KHDRBS2: variants seen among roughly 807,000 people sequenced by gnomAD.
KHDRBS2 encodes the protein KH RNA binding domain containing, signal transduction associated 2, also known as KH domain-containing, RNA-binding, signal transduction-associated protein 2.
Under a neutral mutation model 44.3 loss-of-function variants are expected in KHDRBS2, and 26 were observed. The ratio of observed to expected loss-of-function variants is 0.59; its 90% CI spans 0.43 to 0.81. The LOEUF (loss-of-function observed/expected upper bound fraction) is 0.81, where lower values mean the gene tolerates loss of function less well. Ranked by LOEUF, KHDRBS2 falls within the 40% of genes least tolerant of loss-of-function variation. KHDRBS2 has a pLI of 0.00. For synonymous variants in KHDRBS2, 194 were observed against 151.1 expected (o/e 1.28, Z -2.08); for missense variants, 476 against 433.1 (o/e 1.10, Z -0.88).
At position 61,947,311 on chromosome 6, in the gene KHDRBS2, T is replaced by C. The variant is rs1813577609; in HGVS notation, c.483+30755A>G. Reference sequence around the variant, plus strand: ...ATAATTTGGAAAAGACTGCACAAGATGATCCAATTTCACTGTTAAAGATGC... The same window carrying C: ...ATAATTTGGAAAAGACTGCACAAGACGATCCAATTTCACTGTTAAAGATGC... On this transcript the variant is annotated intron_variant, in intron 4 of 8. Coordinates refer to ENST00000281156, the MANE Select transcript of KHDRBS2 (RefSeq NM_152688.4). Among the ~76,000 whole-genome samples the C allele has an allele frequency of 2.0e-5, 3 of 152,128 alleles. No homozygotes were observed. The South Asian group carries it at 6.2e-4, about 32-fold the overall frequency.
chr6:62,279,210 G>C (rs1042831244), intron 1 of KHDRBS2, among the ~76,000 whole-genome samples: 6 of 152,080 alleles, frequency 3.9e-5, no homozygotes, highest in African/African-American at 1.2e-4. Context: ...GAGTAAAGAA[G>C]GACTTCCCTG....
chr6:61,794,949 G>A (rs969699482), intron 6 of KHDRBS2, among the ~76,000 whole-genome samples: 4 of 151,698 alleles, frequency 2.6e-5, no homozygotes, highest in Non-Finnish European at 5.9e-5. Flanking sequence ...GACCAACCTG[G>A]CCAACATGGT....
At chr6:62,108,073 C>T (rs62414560) in intron 2 of KHDRBS2, among the ~76,000 whole-genome samples, 50 of 152,118 alleles carry the variant, frequency 3.3e-4, no homozygotes, top group Non-Finnish European at 5.7e-4. Flanking sequence ...GCAATGGCAA[C>T]AAAAGGCAAA....
chr6:61,585,643 A>G, the KHDRBS2 span, among the ~76,000 whole-genome samples: 1 of 152,092 alleles, frequency 6.6e-6, no homozygotes, highest in South Asian at 2.1e-4. Context: ...AATGTGCTTG[A>G]GTCATCAAAG....
intron 1 of KHDRBS2, among the ~76,000 whole-genome samples, chr6:62,248,881 A>C (rs1563133958): frequency 6.6e-6 from 1 of 152,120 alleles, no homozygotes; most frequent in African/African-American, 2.4e-5. Flanking sequence ...GATAGTAAAA[A>C]CTGTGCTCGA....
intron 8 of KHDRBS2, among the ~76,000 whole-genome samples, chr6:61,688,320 G>A (rs1033742554): frequency 6.6e-6 from 1 of 151,782 alleles, no homozygotes; most frequent in Non-Finnish European, 1.5e-5. Context: ...CAATGTAGAA[G>A]GTTATCTGAC....
At chr6:61,651,291 T>C in the KHDRBS2 span, among the ~76,000 whole-genome samples, 1 of 152,122 alleles carries the variant, frequency 6.6e-6, no homozygotes. Context: ...GAATATTTGC[T>C]ATAATAGATA....
intron 2 of KHDRBS2, among the ~76,000 whole-genome samples, chr6:62,085,205 A>T (rs1026052049): frequency 1.3e-5 from 2 of 152,166 alleles, no homozygotes; most frequent in Admixed American, 1.3e-4. Context: ...TATTTGAGAC[A>T]CAAAACATGG....
intron 4 of KHDRBS2, among the ~76,000 whole-genome samples, chr6:61,906,081 G>C (rs893052426): frequency 1.8e-4 from 27 of 151,804 alleles, no homozygotes; most frequent in Non-Finnish European, 3.2e-4. Flanking sequence ...CTCCTGACCT[G>C]GTGATCCACC....
intron 2 of KHDRBS2, among the ~76,000 whole-genome samples, chr6:62,059,197 A>AT (rs1562748697): frequency 3.3e-5 from 1 of 30,126 alleles, no homozygotes; most frequent in South Asian, 9.7e-4. Flanking sequence ...AAAGTTAGGA[A>AT]GTTTTTTTTT....
intron 6 of KHDRBS2, among the ~76,000 whole-genome samples, chr6:61,736,129 C>T (rs1225047012): frequency 6.9e-6 from 1 of 144,660 alleles, no homozygotes; most frequent in East Asian, 2.0e-4. Context: ...ATAACCCTTA[C>T]TAGTGAGATT....
intron 3 of KHDRBS2, among the ~76,000 whole-genome samples, chr6:62,007,123 G>T (rs1044389215): frequency 1.3e-5 from 2 of 152,132 alleles, no homozygotes; most frequent in Admixed American, 1.3e-4. Context: ...GGGTTGGGAA[G>T]GCTCGTCAAA....
At chr6:62,075,072 T>A (rs1163350496) in intron 2 of KHDRBS2, among the ~76,000 whole-genome samples, 2 of 151,928 alleles carry the variant, frequency 1.3e-5, no homozygotes, top group Non-Finnish European at 1.5e-5. Context: ...CACTTACATT[T>A]TGTAAATAGA....
chr6:62,275,465 T>A (rs1240430076), intron 1 of KHDRBS2, among the ~76,000 whole-genome samples: 2 of 152,236 alleles, frequency 1.3e-5, no homozygotes, highest in Non-Finnish European at 2.9e-5. Flanking sequence ...TTTCCATTTA[T>A]CATTTTCAGG....
In KHDRBS2 at chr6:61,954,721, C is replaced by CG. The variant is rs1562512154; in HGVS notation, c.483+23344_483+23345insC. ...ACATATGTGTATATACACATGCATA[C>CG]TTATGTATACATACATATGTGTATA... is the stretch of plus-strand genomic sequence containing the variant. On this transcript the variant is annotated intron_variant, in intron 4 of 8. Coordinates refer to ENST00000281156, the MANE Select transcript of KHDRBS2 (RefSeq NM_152688.4). Among the ~76,000 whole-genome samples, 52 of 98,758 alleles carry CG rather than the reference C, an allele frequency of 5.3e-4. 5 individuals carry two copies. The South Asian group carries it at 7.7e-3, about 15-fold the overall frequency. The allele number at this position is 98,758 out of a possible 152,430, so 64.8% of individuals were successfully genotyped here.
chr6:61,856,795 G>A (rs1437036145), intron 6 of KHDRBS2, among the ~76,000 whole-genome samples: 4 of 152,018 alleles, frequency 2.6e-5, no homozygotes, highest in African/African-American at 9.7e-5. Context: ...TTTAAGACTG[G>A]CAGGCACTTA....
chr6:61,897,991 C>T (rs1394716656), intron 5 of KHDRBS2, among the ~76,000 whole-genome samples: 1 of 151,866 alleles, frequency 6.6e-6, no homozygotes, highest in African/African-American at 2.4e-5. Context: ...ATTATTATTA[C>T]AATATATAGA....
chr6:62,221,885 T>C (rs1298007839), intron 1 of KHDRBS2, among the ~76,000 whole-genome samples: 2 of 152,072 alleles, frequency 1.3e-5, no homozygotes, highest in Admixed American at 6.6e-5. Context: ...AAACTGACCC[T>C]AAACTAAAAA....
the KHDRBS2 span, among the ~76,000 whole-genome samples, chr6:61,627,983 G>A: frequency 6.6e-6 from 1 of 152,006 alleles, no homozygotes; most frequent in Non-Finnish European, 1.5e-5. Context: ...GTAGTCTTGT[G>A]GGGTCTGTGC....
Sources: gnomAD v4.1 joint callset for allele counts (sites outside exome capture counted in the v4.1 genomes callset) on GRCh38, gnomAD v4.1.1 for gene constraint, MANE v1.5 for transcripts, NCBI Gene and HGNC (gene_info 2026-07-23, HGNC 2026-07-21) for gene names.